The following FGGY variants were observed in gnomAD, a reference collection of about 807,000 sequenced individuals.
FGGY encodes the protein FGGY carbohydrate kinase domain-containing protein.
In FGGY, 72 loss-of-function variants were observed where a neutral mutation model predicts 71.3. The observed-to-expected ratio is 1.01, with a 90% CI of 0.84 to 1.23. The LOEUF (loss-of-function observed/expected upper bound fraction) is 1.23, where lower values mean the gene tolerates loss of function less well. Among genes scored for constraint, FGGY ranks in the 50% most tolerant of loss-of-function variants. The probability of loss-of-function intolerance (pLI) is 0.00; values close to 1 mark genes in which losing one functional copy is unlikely to be tolerated. For synonymous variants in FGGY, 251 were observed against 250.3 expected (o/e 1.00, Z -0.02); for missense variants, 668 against 682.3 (o/e 0.98, Z 0.23).
intron 5 of FGGY, among the ~76,000 whole-genome samples, chr1:59,381,984 A>G (rs2059518266): frequency 6.6e-6 from 1 of 152,164 alleles, no homozygotes; most frequent in African/African-American, 2.4e-5. Context: ...AAGTATGACG[A>G]GCCTCTTGTC....
intron 14 of FGGY, among the ~76,000 whole-genome samples, chr1:59,721,807 A>C (rs978454352): frequency 6.6e-6 from 1 of 151,904 alleles, no homozygotes; most frequent in Non-Finnish European, 1.5e-5. Flanking sequence ...AGAGTGAAAG[A>C]CACCTGACAG....
chr1:59,717,514 G>T (rs1013736480), intron 14 of FGGY, among the ~76,000 whole-genome samples: 2 of 152,124 alleles, frequency 1.3e-5, no homozygotes, highest in African/African-American at 2.4e-5. Flanking sequence ...GGAGGAAATC[G>T]TGTGAACCCA....
chr1:59,616,061 T>G (rs938454796), intron 9 of FGGY, among the ~76,000 whole-genome samples: 1 of 152,200 alleles, frequency 6.6e-6, no homozygotes, highest in Admixed American at 6.5e-5. Context: ...GTTCAACCAT[T>G]GTGGAAGTCA....
chr1:59,584,981 C>G (rs2096259284), intron 8 of FGGY, among the ~76,000 whole-genome samples: 1 of 152,024 alleles, frequency 6.6e-6, no homozygotes. Flanking sequence ...AGGACCTCAT[C>G]AAGGAGAACT....
At chr1:59,556,414 T>C (rs530879166) in intron 8 of FGGY, among the ~76,000 whole-genome samples, 1 of 152,314 alleles carries the variant, frequency 6.6e-6, no homozygotes, top group African/African-American at 2.4e-5. Context: ...ATGTACACAT[T>C]TGGGACCTAA....
chr1:59,526,932 G>A (rs551342557), intron 7 of FGGY, among the ~76,000 whole-genome samples: 14 of 152,264 alleles, frequency 9.2e-5, no homozygotes, highest in African/African-American at 3.4e-4. Flanking sequence ...TTTTAGAGAT[G>A]CCTTCTCCTG....
intron 1 of FGGY, among the ~76,000 whole-genome samples, chr1:59,301,590 G>A (rs1191519132): frequency 6.6e-6 from 1 of 151,560 alleles, no homozygotes; most frequent in Non-Finnish European, 1.5e-5. Context: ...ATCTTTTGTA[G>A]ATATGCTTTA....
At chr1:59,599,686 C>CAAAA (rs76397509) in intron 8 of FGGY, among the ~76,000 whole-genome samples, 3 of 49,438 alleles carry the variant, frequency 6.1e-5, no homozygotes, top group Non-Finnish European at 8.4e-5. Flanking sequence ...GAGCAAGACT[C>CAAAA]AAAAAAAAAA....
chr1:59,706,402 G>A (rs1022005350), intron 14 of FGGY, among the ~76,000 whole-genome samples: 2 of 152,182 alleles, frequency 1.3e-5, no homozygotes, highest in South Asian at 4.1e-4. Flanking sequence ...TCACAGAGTT[G>A]TTACATGGGT....
At chr1:59,381,343 G>A (rs887344891) in intron 5 of FGGY, among the ~76,000 whole-genome samples, 1 of 152,182 alleles carries the variant, frequency 6.6e-6, no homozygotes, top group Non-Finnish European at 1.5e-5. Context: ...GTCATTGGTA[G>A]CTTGATGGGG....
chr1:59,362,820 TG>T (rs534920799), intron 4 of FGGY, among the ~76,000 whole-genome samples: 2 of 152,372 alleles, frequency 1.3e-5, no homozygotes, highest in East Asian at 3.9e-4. Context: ...ATAGATTCTT[TG>T]TTCCACCTAG....
chr1:59,547,701 AG>A (rs1352740532), intron 7 of FGGY, among the ~76,000 whole-genome samples: 1 of 152,236 alleles, frequency 6.6e-6, no homozygotes, highest in East Asian at 1.9e-4. Context: ...AGTCTTTACC[AG>A]TGATTTTTGA....
chr1:59,551,864 T>G (rs1296981675), intron 7 of FGGY, among the ~76,000 whole-genome samples: 1 of 152,216 alleles, frequency 6.6e-6, no homozygotes, highest in East Asian at 1.9e-4. Context: ...TGAGCTCATA[T>G]CTTGGGTTAT....
chr1:59,348,477 C>CATTAG (rs1206544973), intron 4 of FGGY, among the ~76,000 whole-genome samples: 3 of 152,038 alleles, frequency 2.0e-5, no homozygotes, highest in African/African-American at 7.2e-5. Context: ...TAATGGTTCC[C>CATTAG]ATTAGAGATG....
At chr1:59,709,081 C>T (rs72666300) in intron 14 of FGGY, among the ~76,000 whole-genome samples, 40,066 of 152,118 alleles carry the variant, frequency 0.26, 5,509 homozygotes, top group Admixed American at 0.35. Context: ...CACACACGCG[C>T]GCGCGCATAC....
intron 5 of FGGY, among the ~76,000 whole-genome samples, chr1:59,397,193 C>T (rs562783018): frequency 6.6e-6 from 1 of 152,182 alleles, no homozygotes; most frequent in Non-Finnish European, 1.5e-5. Flanking sequence ...TGGTATTTGA[C>T]CTTCTATTAA....
At chr1:59,665,503 A>T (rs181612451) in intron 12 of FGGY, among the ~76,000 whole-genome samples, 13 of 152,094 alleles carry the variant, frequency 8.5e-5, no homozygotes, top group Non-Finnish European at 1.6e-4. Flanking sequence ...TTAGGATTTC[A>T]TGTCCTATGG....
chr1:59,404,560 A>C (rs1458136745), intron 5 of FGGY, among the ~76,000 whole-genome samples: 1 of 152,210 alleles, frequency 6.6e-6, no homozygotes, highest in Non-Finnish European at 1.5e-5. Context: ...CAGCCCAATC[A>C]GAATGATGCC....
At position 59,588,813 on chromosome 1, in the gene FGGY, C is replaced by T. The variant is rs1040401379; in HGVS notation, c.904-18990C>T. 2.2e-4 allele frequency among the ~76,000 whole-genome samples: 34 copies of T among 152,260 alleles called. 1 individual carries two copies. In the South Asian group the frequency reaches 5.8e-3, roughly 26 times the overall value. ...AGCACTAAACATGGAAAGGAACAAC[C>T]GGTACCAGCCACTGGAAAATCATGC... On this transcript the variant is annotated intron_variant, in intron 8 of 15. Coordinates refer to ENST00000303721, the MANE Select transcript of FGGY (RefSeq NM_018291.5).
Sources: allele counts gnomAD v4.1 joint callset (sites outside exome capture counted in the v4.1 genomes callset), GRCh38; gene constraint gnomAD v4.1.1; transcripts MANE v1.5; gene names NCBI Gene and HGNC (gene_info 2026-07-23, HGNC 2026-07-21).